JTB: variants seen among roughly 807,000 people sequenced by gnomAD.
JTB encodes the protein protein JTB.
A neutral mutation model predicts 22.1 loss-of-function variants in JTB; 10 were observed. The observed-to-expected ratio is 0.45, with a 90% CI of 0.28 to 0.77. The LOEUF (loss-of-function observed/expected upper bound fraction) is 0.77. Ranked by LOEUF, JTB falls within the 30% of genes least tolerant of loss-of-function variation. JTB has a pLI of 0.13. For synonymous variants in JTB, 83 were observed against 66.8 expected, an observed-to-expected ratio of 1.24 and a Z score of -1.18; for missense variants, 137 against 180.3, an observed-to-expected ratio of 0.76 and a Z score of 1.38.
chr1:153,976,902 T>G, intron 2 of JTB, 74 bp downstream of exon 2: 2 of 1,608,274 alleles, frequency 1.2e-6, no homozygotes, highest in Non-Finnish European at 1.7e-6. Flanking sequence ...CCACCTGTGC[T>G]CTTGGTATAT....
chr1:153,976,453 T>C (rs1444115195), intron 3 of JTB, among the ~76,000 whole-genome samples: 1 of 152,100 alleles, frequency 6.6e-6, no homozygotes, highest in Non-Finnish European at 1.5e-5. Context: ...AGAGTGAGAC[T>C]CCGTCTCAAA....
intron 3 of JTB, among the ~76,000 whole-genome samples, chr1:153,976,197 C>G (rs1156941825): frequency 6.6e-6 from 1 of 152,246 alleles, no homozygotes; most frequent in African/African-American, 2.4e-5. Flanking sequence ...GGTGTGGCGG[C>G]TCACGCCTAT....
chr1:153,976,254 G>C (rs1648791595), intron 3 of JTB, among the ~76,000 whole-genome samples: 3 of 152,314 alleles, frequency 2.0e-5, no homozygotes, highest in Admixed American at 1.3e-4. Flanking sequence ...ACGAGGTAAG[G>C]AGTTAGAGAC....
Position 153,977,070 on chromosome 1 carries a change from C to T in JTB, c.84-57G>A, listed in dbSNP as rs545656642. The T allele has an allele frequency of 3.1e-5, 50 of 1,614,082 alleles. No homozygotes were observed. The South Asian group carries it at 5.2e-4, about 17-fold the overall frequency. The stretch of plus-strand genomic sequence containing the variant: ...CAAAACCCAGAAAATAGGGCACCCC[C>T]TCCTGCGCTGTCCATGGATAAGATC... On this transcript the variant is annotated intron_variant, in intron 1 of 4. Transcript: ENST00000271843.
chr1:153,976,549 C>T, intron 3 of JTB, 144 bp downstream of exon 3: 1 of 684,330 alleles, frequency 1.5e-6, no homozygotes, highest in Non-Finnish European at 2.5e-6. Context: ...AAGACAAGTA[C>T]AGATTTGGAC....
At chr1:153,975,726 A>G in intron 4 of JTB, 100 bp downstream of exon 4, 1 of 931,896 alleles carries the variant, frequency 1.1e-6, no homozygotes, top group Non-Finnish European at 1.7e-6. Flanking sequence ...CTTCTTTCAG[A>G]TATTCCATGC....
rs1648832902 is a variant in JTB, at chr1:153,977,371, C to G, written c.-119G>C. On this transcript the variant is annotated 5_prime_UTR_variant, in exon 1 of 5. Coordinates refer to ENST00000271843, the MANE Select transcript of JTB (RefSeq NM_006694.4). Reference sequence around the variant, plus strand: ...CCCTCCCAGAGGTTCCAGGTCAGGGCAGGGAAGGCCGGAGTTGCCTATTGG... The same window carrying G: ...CCCTCCCAGAGGTTCCAGGTCAGGGGAGGGAAGGCCGGAGTTGCCTATTGG... The G allele has an allele frequency of 1.4e-6, 2 of 1,475,168 alleles. No individual in the cohort carries two copies. The highest frequency in any genetic ancestry group is 2.8e-5 in the African/African-American group (2 of 70,912). The allele number at this position is 1,475,168 out of a possible 1,614,324, so 91.4% of individuals were successfully genotyped here.
At chr1:153,976,056 G>T in intron 3 of JTB, 151 bp from the exon 4 acceptor site, 1 of 633,042 alleles carries the variant, frequency 1.6e-6, no homozygotes, top group East Asian at 2.7e-5. Context: ...GCGGATGGTG[G>T]AGGTGGTGGT....
rs1648711780 is a variant in JTB at position 153,974,568 on chromosome 1, A to G, written c.*111T>C. 3.5e-6 allele frequency: 3 copies of G among 852,620 alleles called. No individual in the cohort carries two copies. Among genetic ancestry groups the G allele is most frequent in the Admixed American group, 4.6e-5 (2 of 43,546 alleles). The allele number at this position is 852,620 out of a possible 1,614,324, so 52.8% of individuals were successfully genotyped here. A position where few individuals can be genotyped will look rare whatever the true frequency, so the allele number is the denominator to read the frequency against. On this transcript the variant is annotated 3_prime_UTR_variant, in exon 5 of 5. Coordinates refer to ENST00000271843, the MANE Select transcript of JTB (RefSeq NM_006694.4). ...TGATCTGAAAGAAGAAGATGGGGAAAAGGGGATTCCACCACAAGGCTCCAA... is the reference window on the plus strand; with the variant it reads ...TGATCTGAAAGAAGAAGATGGGGAAGAGGGGATTCCACCACAAGGCTCCAA...
At chr1:153,975,711 C>G in intron 4 of JTB, 115 bp downstream of exon 4, 1 of 816,422 alleles carries the variant, frequency 1.2e-6, no homozygotes, top group South Asian at 1.6e-5. Context: ...TGAGCCCGGC[C>G]CCCTCTTCTT....
At position 153,977,430 on chromosome 1, in the gene JTB, C is replaced by A; in HGVS notation, c.-178G>T. 1 of 1,378,880 alleles carries A rather than the reference C, an allele frequency of 7.3e-7. No homozygotes were observed. Among genetic ancestry groups the A allele is most frequent in the Non-Finnish European group, 9.3e-7 (1 of 1,070,082 alleles). 85.4% of individuals were successfully genotyped at this position (1,378,880 alleles called of 1,614,324 possible). ...ATCTATCAGGACGTCCCCGTTGCCA[C>A]AGCGAGAAAAATCGATATGTTTTTG... On this transcript the variant is annotated 5_prime_UTR_variant, in exon 1 of 5. Coordinates refer to ENST00000271843, the MANE Select transcript of JTB (RefSeq NM_006694.4).
intron 3 of JTB, 81 bp from the exon 4 acceptor site, chr1:153,975,986 G>T (rs1648783029): frequency 2.1e-6 from 2 of 931,242 alleles, no homozygotes; most frequent in African/African-American, 1.6e-5. Context: ...GAAGGTGCAG[G>T]TGCCCAACTG....
At chr1:153,975,455 C>G (rs945351596) in intron 4 of JTB, among the ~76,000 whole-genome samples, 2 of 147,438 alleles carry the variant, frequency 1.4e-5, no homozygotes, top group Non-Finnish European at 3.0e-5. Context: ...CACAGTCTCG[C>G]TCCATTGCCC....
chr1:153,977,443 C>G lies in JTB; in HGVS notation c.-191G>C. On this transcript the variant is annotated 5_prime_UTR_variant, in exon 1 of 5. Transcript: ENST00000271843. ...TCCCCGTTGCCACAGCGAGAAAAAT[C>G]GATATGTTTTTGCGGGCTAGGGAGG... The G allele has an allele frequency of 7.3e-7, 1 of 1,372,996 alleles. No homozygotes were observed. The highest frequency in any genetic ancestry group is 9.4e-7 in the Non-Finnish European group (1 of 1,066,218). 85.1% of individuals were successfully genotyped at this position (1,372,996 alleles called of 1,614,324 possible).
intron 4 of JTB, among the ~76,000 whole-genome samples, 161 bp from the exon 5 acceptor site, chr1:153,974,996 A>G (rs1648734884): frequency 1.3e-5 from 2 of 152,216 alleles, no homozygotes; most frequent in South Asian, 4.1e-4. Flanking sequence ...AGATCATTTA[A>G]TTTATTCTCT....
At chr1:153,974,942 G>T in intron 4 of JTB, 107 bp from the exon 5 acceptor site, 2 of 1,092,214 alleles carry the variant, frequency 1.8e-6, no homozygotes, top group Non-Finnish European at 2.6e-6. Flanking sequence ...GGAAATCAGA[G>T]CCAGGCTTCT....
At position 153,975,807 on chromosome 1, in the gene JTB, G is replaced by T; in HGVS notation, c.284+19C>A. The T allele has an allele frequency of 6.3e-7, 1 of 1,596,008 alleles. No individual in the cohort carries two copies. The highest frequency in any genetic ancestry group is 8.6e-7 in the Non-Finnish European group (1 of 1,163,646). ...TAGGAGCAAAGGAGGTGATCTCAGAGAAGAGAAACAGCACTCACCTTTTGA... is the reference window on the plus strand; with the variant it reads ...TAGGAGCAAAGGAGGTGATCTCAGATAAGAGAAACAGCACTCACCTTTTGA... On this transcript the variant is annotated intron_variant, in intron 4 of 4. Transcript: ENST00000271843.
Position 153,974,726 on chromosome 1 carries a change from C to T in JTB, c.394G>A (p.Asp132Asn). 1 of 1,613,838 alleles carries T rather than the reference C, an allele frequency of 6.2e-7. No individual in the cohort carries two copies. The highest frequency in any genetic ancestry group is 8.5e-7 in the Non-Finnish European group (1 of 1,179,766). Reference sequence around the variant, plus strand: ...CGGACCTTTTCCAGAGCCTTTCTGTCCAATTGTCGCTGACGAATGATGACA... The same window carrying T: ...CGGACCTTTTCCAGAGCCTTTCTGTTCAATTGTCGCTGACGAATGATGACA... ...CLVIIRQRQL[D>N]RKALEKVRKQ... Residue 132 changes from aspartate to asparagine, a missense_variant, in exon 5 of 5, where the codon GAC becomes AAC. Coordinates refer to ENST00000271843, the MANE Select transcript of JTB (RefSeq NM_006694.4).
At position 153,977,219 on chromosome 1, in the gene JTB, G is replaced by T. The variant is rs1348172336; in HGVS notation, c.34C>A (p.Gln12Lys). 1.2e-6 allele frequency: 2 copies of T among 1,614,020 alleles called. No individual in the cohort carries two copies. Among genetic ancestry groups the T allele is most frequent in the Non-Finnish European group, 1.7e-6 (2 of 1,180,016 alleles). ...AGCAACCAGCAGAGGTGGCGGCCCT[G>T]GGGGAGGCCAGGCCTCCCGGCACCC... ...LAGAGRPGLP[Q>K]GRHLCWLLCA... Residue 12 changes from glutamine (Q) to lysine (K), a missense_variant, in exon 1 of 5, where the codon CAG (glutamine) becomes AAG (lysine). By Grantham distance (53) the Gln-to-Lys change is moderately conservative. Transcript: ENST00000271843.
Sources: gnomAD v4.1 joint callset for allele counts (sites outside exome capture counted in the v4.1 genomes callset) on GRCh38, gnomAD v4.1.1 for gene constraint, MANE v1.5 for transcripts, NCBI Gene and HGNC (gene_info 2026-07-23, HGNC 2026-07-21) for gene names.